The following CCDC7 variants were observed in gnomAD, a reference collection of about 807,000 sequenced individuals.
CCDC7 encodes coiled-coil domain-containing protein 7.
In CCDC7, 183 loss-of-function variants were observed where a neutral mutation model predicts 196.9. The ratio of observed to expected loss-of-function variants is 0.93; its 90% CI spans 0.82 to 1.05. The LOEUF is 1.05. Ranked by LOEUF, CCDC7 falls within the 50% of genes least tolerant of loss-of-function variation. The probability of loss-of-function intolerance (pLI) is 0.00; values close to 1 mark genes in which losing one functional copy is unlikely to be tolerated. For missense variants in CCDC7, 1,540 were observed against 1,482.2 expected (o/e 1.04, Z -0.64); for synonymous variants, 525 against 484.6 (o/e 1.08, Z -1.10).
At chr10:32,528,539 T>C (rs1337656458) in intron 11 of CCDC7, among the ~76,000 whole-genome samples, 4 of 151,910 alleles carry the variant, frequency 2.6e-5, no homozygotes, top group Admixed American at 6.6e-5. Context: ...TCACTTAGAA[T>C]AATGGTCTCC....
intron 28 of CCDC7, among the ~76,000 whole-genome samples, chr10:32,774,175 G>A (rs1401370920): frequency 6.6e-6 from 1 of 152,170 alleles, no homozygotes; most frequent in African/African-American, 2.4e-5. Context: ...CCTGTGGATT[G>A]TGTCTTCTTC....
chr10:32,500,063 C>G (rs1049120572), intron 9 of CCDC7, among the ~76,000 whole-genome samples: 1 of 152,246 alleles, frequency 6.6e-6, no homozygotes, highest in South Asian at 2.1e-4. Context: ...TCCCCCTTTT[C>G]TATTCAACAA....
At chr10:32,814,169 G>C (rs562279365) in intron 30 of CCDC7, among the ~76,000 whole-genome samples, 6 of 152,058 alleles carry the variant, frequency 3.9e-5, no homozygotes, top group Admixed American at 3.9e-4. Context: ...TGTTGGCCAG[G>C]ATGGTCTCGA....
At chr10:32,841,966 A>G (rs1186116789) in intron 33 of CCDC7, among the ~76,000 whole-genome samples, 1 of 152,072 alleles carries the variant, frequency 6.6e-6, no homozygotes, top group Non-Finnish European at 1.5e-5. Context: ...GATGGATCAA[A>G]GATAAATCTA....
chr10:32,583,435 T>C (rs1012670727), intron 17 of CCDC7, 128 bp downstream of exon 18: 40 of 557,050 alleles, frequency 7.2e-5, no homozygotes, highest in Middle Eastern at 5.3e-4. Flanking sequence ...AAGTTTGCCT[T>C]TTAACACAAC....
intron 30 of CCDC7, among the ~76,000 whole-genome samples, chr10:32,811,777 T>C (rs941193745): frequency 6.6e-6 from 1 of 151,918 alleles, no homozygotes; most frequent in Non-Finnish European, 1.5e-5. Flanking sequence ...AAAATAAAAG[T>C]ACAAGTCAAT....
intron 11 of CCDC7, among the ~76,000 whole-genome samples, chr10:32,536,218 C>T (rs1216099986): frequency 5.3e-5 from 8 of 152,068 alleles, no homozygotes; most frequent in African/African-American, 1.9e-4. Flanking sequence ...AGGGTGGTTG[C>T]AATTTTCTCC....
At chr10:32,646,140 GT>G (rs201345110) in intron 20 of CCDC7, among the ~76,000 whole-genome samples, 1 of 140,950 alleles carries the variant, frequency 7.1e-6, no homozygotes, top group Non-Finnish European at 1.6e-5. Flanking sequence ...GTTCTTTCTA[GT>G]TTTTTTTCAT....
At chr10:32,504,274 G>A (rs565964738) in intron 9 of CCDC7, among the ~76,000 whole-genome samples, 136 of 151,808 alleles carry the variant, frequency 9.0e-4, no homozygotes, top group African/African-American at 3.2e-3. Flanking sequence ...CTGCCACAAC[G>A]CCCGGCTAAT....
chr10:32,680,200 T>C (rs1404055218), intron 21 of CCDC7, among the ~76,000 whole-genome samples: 1 of 152,190 alleles, frequency 6.6e-6, no homozygotes, highest in Non-Finnish European at 1.5e-5. Context: ...ACAGAGGTGG[T>C]AAGTATAGGA....
intron 20 of CCDC7, among the ~76,000 whole-genome samples, chr10:32,657,939 G>A (rs1426647891): frequency 2.0e-5 from 3 of 152,162 alleles, no homozygotes; most frequent in African/African-American, 7.2e-5. Flanking sequence ...TAGGGCAGGG[G>A]CAAAATGCTA....
At chr10:32,652,502 T>G (rs1348731168) in intron 20 of CCDC7, among the ~76,000 whole-genome samples, 1 of 152,140 alleles carries the variant, frequency 6.6e-6, no homozygotes, top group East Asian at 1.9e-4. Context: ...ACTTTCTGTC[T>G]TCTTTTGTGG....
At chr10:32,689,259 T>TC in intron 23 of CCDC7, 96 bp downstream of exon 24, 1 of 746,142 alleles carries the variant, frequency 1.3e-6, no homozygotes, top group Non-Finnish European at 2.2e-6. Flanking sequence ...ACACTTTGAC[T>TC]AAAATGTGAA....
intron 24 of CCDC7, among the ~76,000 whole-genome samples, chr10:32,707,191 A>G (rs2079926893): frequency 6.6e-6 from 1 of 151,920 alleles, no homozygotes. Context: ...AATGTAATCC[A>G]TCATATAAAC....
At chr10:32,640,866 T>C (rs901007387) in intron 20 of CCDC7, among the ~76,000 whole-genome samples, 6 of 63,316 alleles carry the variant, frequency 9.5e-5, no homozygotes, top group African/African-American at 1.9e-4. Flanking sequence ...TAGATTTTCT[T>C]TTTTTTTTTC....
intron 20 of CCDC7, among the ~76,000 whole-genome samples, chr10:32,649,055 G>A (rs11009017): frequency 0.088 from 13,437 of 152,186 alleles, 862 homozygotes; most frequent in East Asian, 0.33. Context: ...AACTAATGCA[G>A]GAACAGAAAA....
At chr10:32,623,243 C>A (rs1356892) in intron 18 of CCDC7, among the ~76,000 whole-genome samples, 12 of 151,974 alleles carry the variant, frequency 7.9e-5, no homozygotes, top group African/African-American at 2.4e-4. Context: ...TTTAAAAGGG[C>A]CTTGTCCTTC....
intron 9 of CCDC7, among the ~76,000 whole-genome samples, chr10:32,504,617 TTGTC>T (rs1422572004): frequency 6.6e-6 from 1 of 152,358 alleles, no homozygotes; most frequent in Admixed American, 6.5e-5. Context: ...CCATTTTTGT[TTGTC>T]TGAAGATACT....
chr10:32,878,235 T>C (rs2094660817), downstream of CCDC7, among the ~76,000 whole-genome samples: 1 of 152,070 alleles, frequency 6.6e-6, no homozygotes, highest in African/African-American at 2.4e-5. Flanking sequence ...ATTTGATTAG[T>C]TTAAACATGA....
Sources: gnomAD v4.1 joint callset for allele counts (sites outside exome capture counted in the v4.1 genomes callset) on GRCh38, gnomAD v4.1.1 for gene constraint, MANE v1.5 for transcripts, NCBI Gene and HGNC (gene_info 2026-07-23, HGNC 2026-07-21) for gene names.